LRTM1: variants seen among roughly 807,000 people sequenced by gnomAD.
The protein encoded by LRTM1 is leucine-rich repeat and transmembrane domain-containing protein 1.
In LRTM1, 38 loss-of-function variants were observed where a neutral mutation model predicts 32.4. That is an observed-to-expected ratio of 1.17 (90% confidence interval 0.91 to 1.54). The LOEUF is 1.54. LRTM1 is among the 40% of genes most tolerant of loss of function. The pLI is 0.00. For missense variants in LRTM1, 466 were observed against 415.4 expected, an observed-to-expected ratio of 1.12 and a Z score of -1.06; for synonymous variants, 186 against 169.9, an observed-to-expected ratio of 1.09 and a Z score of -0.74.
At chr3:54,918,948 A>G in intron 2 of LRTM1, 56 bp from the exon 3 acceptor site, 2 of 1,400,052 alleles carry the variant, frequency 1.4e-6, no homozygotes, top group East Asian at 2.4e-5. Context: ...CAGAGTTCCA[A>G]AATCCTCTGC....
chr3:54,962,487 G>A (rs1296435420), intron 1 of LRTM1, among the ~76,000 whole-genome samples: 1 of 152,160 alleles, frequency 6.6e-6, no homozygotes, highest in Non-Finnish European at 1.5e-5. Context: ...CATGAATGAT[G>A]ACAACACTAT....
chr3:54,932,697 A>T (rs888807206), upstream of LRTM1, among the ~76,000 whole-genome samples: 7 of 152,138 alleles, frequency 4.6e-5, no homozygotes, highest in Non-Finnish European at 7.4e-5. Flanking sequence ...CCTTATAACA[A>T]ATATGAGCAT....
intron 1 of LRTM1, among the ~76,000 whole-genome samples, chr3:54,943,403 C>A (rs1259122942): frequency 6.6e-6 from 1 of 152,106 alleles, no homozygotes. Flanking sequence ...TCCTTTAATA[C>A]ATGGTGCTTT....
chr3:54,925,458 C>T lies in LRTM1; in HGVS notation c.8-243G>A, dbSNP rs535429886. On this transcript the variant is annotated intron_variant, in intron 1 of 2. Transcript: ENST00000273286. Reference sequence around the variant, plus strand: ...CGTCTGAAGCCTTGAGAAAGATACTCTCAGTGTCTTCTGATTCGGAAGATG... The same window carrying T: ...CGTCTGAAGCCTTGAGAAAGATACTTTCAGTGTCTTCTGATTCGGAAGATG... Among the ~76,000 whole-genome samples the T allele has an allele frequency of 2.6e-5, 4 of 152,272 alleles. No individual in the cohort carries two copies. The South Asian group carries it at 8.3e-4, about 32-fold the overall frequency.
chr3:54,964,133 G>C (rs188438829), intron 1 of LRTM1, among the ~76,000 whole-genome samples: 1 of 151,980 alleles, frequency 6.6e-6, no homozygotes, highest in Non-Finnish European at 1.5e-5. Flanking sequence ...TCTTGGGGTC[G>C]CTGTCCTAGG....
intron 1 of LRTM1, among the ~76,000 whole-genome samples, chr3:54,939,801 G>T (rs1411056829): frequency 6.6e-6 from 1 of 152,188 alleles, no homozygotes. Context: ...GGCATTTTGT[G>T]GGCCTGCTCC....
At chr3:54,941,192 T>G (rs1701457954) in intron 1 of LRTM1, among the ~76,000 whole-genome samples, 1 of 152,176 alleles carries the variant, frequency 6.6e-6, no homozygotes, top group Non-Finnish European at 1.5e-5. Flanking sequence ...TCATCAAACT[T>G]GTTCAAGTTG....
rs111525270 is a variant in LRTM1 at position 54,965,177 on chromosome 3, G to C, written c.-222+1751C>G. On this transcript the variant is annotated intron_variant, in intron 1 of 2. Transcript: ENST00000493075. ...AGTGTGCAAACCAATTAGTGTGGCT[G>C]TGCTGCAAGAAAACTTTATTTACAA... Among the ~76,000 whole-genome samples the C allele has an allele frequency of 8.7e-3, 1,332 of 152,288 alleles. 20 individuals are homozygous for C. The highest frequency in any genetic ancestry group is 0.031 in the African/African-American group (1,277 of 41,542).
At chr3:54,954,150 G>T (rs557766405) in intron 1 of LRTM1, among the ~76,000 whole-genome samples, 1 of 152,268 alleles carries the variant, frequency 6.6e-6, no homozygotes, top group East Asian at 1.9e-4. Context: ...CATCATGCAG[G>T]CATTTCCTGA....
chr3:54,927,809 C>T (rs768562031), intron 1 of LRTM1, 96 bp downstream of exon 1: 47 of 1,312,882 alleles, frequency 3.6e-5, no homozygotes, highest in South Asian at 2.7e-4. Context: ...TTAAGACAGA[C>T]GACTTGAAAA....
In LRTM1 at chr3:54,934,495, G is replaced by T. The variant is rs1169261543; in HGVS notation, c.-221-9280C>A. Among the ~76,000 whole-genome samples, 4 of 152,326 alleles carry T rather than the reference G, an allele frequency of 2.6e-5. No individual in the cohort carries two copies. In the East Asian group the frequency reaches 7.7e-4, roughly 29 times the overall value. On this transcript the variant is annotated intron_variant, in intron 1 of 2. Coordinates refer to the LRTM1 transcript ENST00000493075. ...TTTACTGCATATGAATATCAGCGGA[G>T]TTTGAACTCCCTTTAGCAGGCCTTG...
At position 54,924,731 on chromosome 3, in the gene LRTM1, C is replaced by T. The variant is rs747379943; in HGVS notation, c.492G>A (p.Ala164=). 1.1e-4 allele frequency: 173 copies of T among 1,613,982 alleles called. No homozygotes were observed. Among genetic ancestry groups the T allele is most frequent in the African/African-American group, 1.6e-4 (12 of 74,890 alleles). The change falls in exon 2 of 3, where the codon GCG becomes GCA. Residue 164 remains alanine (A), a synonymous_variant. Transcript: ENST00000273286. ...TCACACTGGGCATGGATTCCAGGAGCGCTCGATCAAGCTGCTGAAGCTGGT... is the reference window on the plus strand; with the variant it reads ...TCACACTGGGCATGGATTCCAGGAGTGCTCGATCAAGCTGCTGAAGCTGGT... ...QQNQLQQLDR[A]LLESMPSVRL... is the part of the protein sequence containing the mutation.
At chr3:54,940,254 T>C (rs916051473) in intron 1 of LRTM1, among the ~76,000 whole-genome samples, 2 of 152,186 alleles carry the variant, frequency 1.3e-5, no homozygotes, top group Non-Finnish European at 2.9e-5. Flanking sequence ...ACTGCAACTA[T>C]TTTCTACTTA....
intron 1 of LRTM1, among the ~76,000 whole-genome samples, chr3:54,927,673 G>A (rs1284702508): frequency 1.3e-5 from 2 of 152,072 alleles, no homozygotes; most frequent in Non-Finnish European, 2.9e-5. Flanking sequence ...GAAATGGCCC[G>A]TGACATGCCA....
upstream of LRTM1, chr3:54,928,096 C>T: frequency 5.0e-6 from 3 of 597,360 alleles, 1 homozygote; most frequent in South Asian, 4.5e-5. Context: ...TTTAAGCAGC[C>T]CTTCCCCTTG....
Position 54,918,278 on chromosome 3 carries a change from C to T in LRTM1, c.*181G>A, listed in dbSNP as rs549309296. ...ATTTTACCTATAGTATTTTAAAAAT[C>T]GCAACATAAATTCCTCCCCAGAAAT... is the stretch of plus-strand genomic sequence containing the variant. On this transcript the variant is annotated 3_prime_UTR_variant, in exon 3 of 3. Coordinates refer to ENST00000273286, the MANE Select transcript of LRTM1 (RefSeq NM_020678.4). 33 of 635,294 alleles carry T rather than the reference C, an allele frequency of 5.2e-5. No homozygotes were observed. The highest frequency in any genetic ancestry group is 6.9e-5 in the Non-Finnish European group (26 of 376,858). 39.4% of individuals were successfully genotyped at this position (635,294 alleles called of 1,614,324 possible). A position where few individuals can be genotyped will look rare whatever the true frequency, so the allele number is the denominator to read the frequency against.
upstream of LRTM1, among the ~76,000 whole-genome samples, chr3:54,929,672 A>T (rs1324572667): frequency 1.3e-5 from 2 of 152,180 alleles, no homozygotes; most frequent in Non-Finnish European, 2.9e-5. Context: ...GGCAAAAGTC[A>T]GGTGTAGGTG....
At position 54,924,857 on chromosome 3, in the gene LRTM1, A is replaced by G. The variant is rs35757787; in HGVS notation, c.366T>C (p.Pro122=). Reference sequence around the variant, plus strand: ...ATGACAAATCAAGCTCCCTCAGCTGAGGGAGGGAATGGAAAAGTCTGCTTT... The same window carrying G: ...ATGACAAATCAAGCTCCCTCAGCTGGGGGAGGGAATGGAAAAGTCTGCTTT... ...SLESRLFHSL[P]QLRELDLSSN... The change falls in exon 2 of 3, where the codon CCT becomes CCC. Residue 122 remains proline (P), a synonymous_variant. Transcript: ENST00000273286. 5.4e-3 allele frequency: 8,751 copies of G among 1,613,826 alleles called. 424 individuals are homozygous for G. In the African/African-American group the frequency reaches 0.1, roughly 19 times the overall value.
At chr3:54,935,699 G>A (rs142077432) in intron 1 of LRTM1, among the ~76,000 whole-genome samples, 18 of 152,204 alleles carry the variant, frequency 1.2e-4, no homozygotes, top group East Asian at 9.7e-4. Context: ...TTACTATAAC[G>A]TGATAGTTCA....
Sources: allele counts gnomAD v4.1 joint callset (sites outside exome capture counted in the v4.1 genomes callset), GRCh38; gene constraint gnomAD v4.1.1; transcripts MANE v1.5; gene names NCBI Gene and HGNC (gene_info 2026-07-23, HGNC 2026-07-21).